The following FOXP2 variants were observed in gnomAD, a reference collection of about 807,000 sequenced individuals.
FOXP2 encodes forkhead box P2, also known as forkhead box protein P2.
FOXP2 carries 12 observed loss-of-function variants against 115.8 expected under a neutral mutation model. The ratio of observed to expected loss-of-function variants is 0.10; its 90% confidence interval spans 0.07 to 0.17. FOXP2 has a LOEUF of 0.17. Ranked by LOEUF, FOXP2 falls within the 10% of genes least tolerant of loss-of-function variation. FOXP2 has a pLI of 1.00. For missense variants in FOXP2, 629 were observed against 843.5 expected (o/e 0.75, Z 3.15); for synonymous variants, 328 against 297.7 (o/e 1.10, Z -1.05).
intron 2 of FOXP2, among the ~76,000 whole-genome samples, chr7:114,514,144 T>C (rs2129264117): frequency 6.6e-6 from 1 of 152,088 alleles, no homozygotes; most frequent in South Asian, 2.1e-4. Flanking sequence ...AATACTATGC[T>C]GTATGTATAC....
At chr7:114,145,867 A>G (rs1054756030) in intron 1 of FOXP2, among the ~76,000 whole-genome samples, 8 of 152,170 alleles carry the variant, frequency 5.3e-5, no homozygotes, top group African/African-American at 1.9e-4. Context: ...GAAATTCTAG[A>G]AGTTGTGTGT....
At chr7:114,200,221 TTCAA>T (rs1794024333) in intron 1 of FOXP2, among the ~76,000 whole-genome samples, 2 of 152,170 alleles carry the variant, frequency 1.3e-5, no homozygotes. Context: ...AAAGCAACAA[TTCAA>T]TCAATCAAAT....
intron 1 of FOXP2, among the ~76,000 whole-genome samples, chr7:114,114,716 C>T (rs1791357926): frequency 6.6e-6 from 1 of 152,098 alleles, no homozygotes; most frequent in Admixed American, 6.6e-5. Context: ...ATGATAGCTC[C>T]ACCTTGCCTT....
intron 3 of FOXP2, among the ~76,000 whole-genome samples, chr7:114,562,682 T>A (rs73429374): frequency 0.016 from 2,395 of 152,280 alleles, 69 homozygotes; most frequent in African/African-American, 0.055. Flanking sequence ...TCTGTGTGCC[T>A]TCCCTTCCCA....
intron 2 of FOXP2, among the ~76,000 whole-genome samples, chr7:114,404,321 A>G (rs1431889241): frequency 4.6e-5 from 7 of 152,312 alleles, no homozygotes; most frequent in East Asian, 1.9e-4. Flanking sequence ...AATTCTACGT[A>G]AAAACTTATA....
chr7:114,309,003 A>G (rs1050330903), intron 2 of FOXP2, among the ~76,000 whole-genome samples: 1 of 152,216 alleles, frequency 6.6e-6, no homozygotes, highest in Non-Finnish European at 1.5e-5. Context: ...ATTTCTACAT[A>G]TCTTGTAAGC....
chr7:114,154,238 A>G (rs1368657160), intron 1 of FOXP2, among the ~76,000 whole-genome samples: 3 of 152,152 alleles, frequency 2.0e-5, no homozygotes, highest in Non-Finnish European at 2.9e-5. Flanking sequence ...TGTCTAGACT[A>G]TGAACTGAAG....
intron 3 of FOXP2, among the ~76,000 whole-genome samples, chr7:114,542,494 T>C (rs1799714960): frequency 6.6e-6 from 1 of 152,156 alleles, no homozygotes; most frequent in East Asian, 1.9e-4. Flanking sequence ...GGCTTTTTCC[T>C]TTTCTTTTTA....
chr7:114,187,381 T>A (rs1459968549), intron 1 of FOXP2, among the ~76,000 whole-genome samples: 1 of 152,198 alleles, frequency 6.6e-6, no homozygotes, highest in Non-Finnish European at 1.5e-5. Context: ...AAAGTCCTAG[T>A]ACACAGACAT....
chr7:114,226,769 C>G (rs1794758153), intron 1 of FOXP2, among the ~76,000 whole-genome samples: 1 of 151,936 alleles, frequency 6.6e-6, no homozygotes, highest in Admixed American at 6.6e-5. Flanking sequence ...CTTAATCATT[C>G]TCTTTGTTAT....
intron 1 of FOXP2, among the ~76,000 whole-genome samples, chr7:114,155,342 A>T (rs368179278): frequency 1.3e-5 from 2 of 152,224 alleles, no homozygotes; most frequent in South Asian, 2.1e-4. Flanking sequence ...TAAAACAGAG[A>T]TCTTAAGACT....
chr7:114,537,874 G>T (rs980317966), intron 3 of FOXP2, among the ~76,000 whole-genome samples: 1 of 151,644 alleles, frequency 6.6e-6, no homozygotes, highest in Non-Finnish European at 1.5e-5. Context: ...TATAAAGATT[G>T]TGATGCAAAT....
intron 2 of FOXP2, among the ~76,000 whole-genome samples, chr7:114,524,661 T>C (rs1209760533): frequency 6.6e-6 from 1 of 152,194 alleles, no homozygotes; most frequent in African/African-American, 2.4e-5. Flanking sequence ...ATAACTGGCA[T>C]ATCATGAGCA....
At chr7:114,424,251 T>C (rs1225846225) in intron 1 of FOXP2, among the ~76,000 whole-genome samples, 1 of 151,446 alleles carries the variant, frequency 6.6e-6, no homozygotes, top group Admixed American at 6.6e-5. Context: ...ATTCATCCAA[T>C]TGGTCCTGAG....
chr7:114,389,004 G>T (rs1261652041), intron 2 of FOXP2, among the ~76,000 whole-genome samples: 1 of 152,146 alleles, frequency 6.6e-6, no homozygotes, highest in Non-Finnish European at 1.5e-5. Context: ...CACAAAATAA[G>T]AATAGAATGC....
intron 1 of FOXP2, among the ~76,000 whole-genome samples, chr7:114,230,570 T>G (rs1022536645): frequency 6.6e-6 from 1 of 151,954 alleles, no homozygotes; most frequent in Admixed American, 6.6e-5. Context: ...GTTTAACATA[T>G]GCAAATCAAT....
intron 2 of FOXP2, among the ~76,000 whole-genome samples, chr7:114,309,821 C>A (rs1163644790): frequency 1.3e-5 from 2 of 151,200 alleles, no homozygotes; most frequent in Non-Finnish European, 2.9e-5. Context: ...CATGCCACCA[C>A]ACTCAACTCT....
intron 1 of FOXP2, among the ~76,000 whole-genome samples, chr7:114,178,013 G>A (rs1793362896): frequency 6.6e-6 from 1 of 151,618 alleles, no homozygotes; most frequent in African/African-American, 2.4e-5. Context: ...TTCTCTAGTG[G>A]GGCTATACCA....
intron 1 of FOXP2, among the ~76,000 whole-genome samples, chr7:114,093,944 C>A (rs1449905434): frequency 1.3e-5 from 2 of 151,898 alleles, no homozygotes; most frequent in Admixed American, 1.3e-4. Flanking sequence ...CATCATTATA[C>A]CTTAACATGA....
Sources: allele counts gnomAD v4.1 joint callset (sites outside exome capture counted in the v4.1 genomes callset), GRCh38; gene constraint gnomAD v4.1.1; transcripts MANE v1.5; gene names NCBI Gene and HGNC (gene_info 2026-07-23, HGNC 2026-07-21).